ARL15: variants seen among roughly 807,000 people sequenced by gnomAD.
ARL15 encodes ARF like GTPase 15.
A neutral mutation model predicts 25.2 loss-of-function variants in ARL15; 19 were observed. The ratio of observed to expected loss-of-function variants is 0.75; its 90% CI spans 0.53 to 1.10. The LOEUF is 1.10. ARL15 is among the 50% of genes least tolerant of loss of function. The pLI, the probability that ARL15 is intolerant of heterozygous loss-of-function variation, is 0.00. For synonymous variants in ARL15, 94 were observed against 86.8 expected (o/e 1.08, Z -0.46); for missense variants, 220 against 246.0 (o/e 0.89, Z 0.71).
At chr5:54,192,818 T>G (rs1009802481) in intron 1 of ARL15, among the ~76,000 whole-genome samples, 2 of 152,172 alleles carry the variant, frequency 1.3e-5, no homozygotes, top group Non-Finnish European at 2.9e-5. Context: ...GGTAAGCAAC[T>G]AAGATGAATG....
rs1051006755 is a variant in ARL15 at position 54,117,852 on chromosome 5, T to C, written c.254-4442A>G. Among the ~76,000 whole-genome samples the C allele has an allele frequency of 3.3e-5, 5 of 152,214 alleles. No individual in the cohort carries two copies. In the East Asian group the frequency reaches 9.6e-4, roughly 29 times the overall value. ...TAGTATTTGTTGTCAATGGTAAAAT[T>C]TGTTTTCAAGCAAAAGCTAGAATTT... On this transcript the variant is annotated intron_variant, in intron 3 of 4. Coordinates refer to ENST00000504924, the MANE Select transcript of ARL15 (RefSeq NM_019087.3).
chr5:54,157,162 GGA>G (rs1754260554), intron 2 of ARL15, among the ~76,000 whole-genome samples: 1 of 152,228 alleles, frequency 6.6e-6, no homozygotes, highest in Non-Finnish European at 1.5e-5. Flanking sequence ...AAATGGTTAT[GGA>G]GCACATCACC....
intron 3 of ARL15, among the ~76,000 whole-genome samples, chr5:54,137,213 G>A (rs897338595): frequency 1.3e-5 from 2 of 152,066 alleles, no homozygotes; most frequent in Non-Finnish European, 1.5e-5. Flanking sequence ...CAGTCCCAAA[G>A]CAGGTTTCAT....
At chr5:54,291,049 G>A (rs939741909) in intron 1 of ARL15, among the ~76,000 whole-genome samples, 3 of 152,198 alleles carry the variant, frequency 2.0e-5, no homozygotes, top group Admixed American at 2.0e-4. Flanking sequence ...GGAGAACGTG[G>A]TCTAACAACC....
chr5:53,976,068 A>T (rs979560839), intron 4 of ARL15, among the ~76,000 whole-genome samples: 3 of 152,196 alleles, frequency 2.0e-5, no homozygotes, highest in Non-Finnish European at 4.4e-5. Flanking sequence ...CTGTTTCCTT[A>T]GTTCATTCAT....
chr5:54,283,607 GCC>G (rs1758115193), intron 1 of ARL15, among the ~76,000 whole-genome samples: 1 of 152,148 alleles, frequency 6.6e-6, no homozygotes, highest in African/African-American at 2.4e-5. Flanking sequence ...CATCCTCAGA[GCC>G]CAAGACTAAG....
intron 1 of ARL15, among the ~76,000 whole-genome samples, chr5:54,308,325 A>G (rs994422383): frequency 2.0e-5 from 3 of 152,212 alleles, no homozygotes; most frequent in Non-Finnish European, 4.4e-5. Flanking sequence ...TCACCTCCAA[A>G]GAGTAGCCAC....
At chr5:53,947,186 GTGT>G (rs1746775630) in intron 4 of ARL15, among the ~76,000 whole-genome samples, 1 of 147,534 alleles carries the variant, frequency 6.8e-6, no homozygotes, top group Non-Finnish European at 1.5e-5. Flanking sequence ...GTGTGTGTGT[GTGT>G]GTGTGTGTGT....
chr5:54,033,444 T>G (rs996761929), intron 4 of ARL15, among the ~76,000 whole-genome samples: 1 of 151,818 alleles, frequency 6.6e-6, no homozygotes, highest in African/African-American at 2.4e-5. Flanking sequence ...CCGAGGCGGG[T>G]GGATCATGAG....
intron 1 of ARL15, among the ~76,000 whole-genome samples, chr5:54,234,501 T>A (rs1756750923): frequency 6.6e-6 from 1 of 152,020 alleles, no homozygotes; most frequent in Non-Finnish European, 1.5e-5. Context: ...TCCCTAGACA[T>A]CCCCACCCCA....
intron 1 of ARL15, among the ~76,000 whole-genome samples, chr5:54,263,222 T>C (rs978579150): frequency 6.6e-6 from 1 of 152,182 alleles, no homozygotes; most frequent in Non-Finnish European, 1.5e-5. Context: ...TCTAATATCA[T>C]TAGTGGTTTT....
intron 4 of ARL15, among the ~76,000 whole-genome samples, chr5:53,930,241 A>G (rs1019031605): frequency 6.6e-6 from 1 of 152,180 alleles, no homozygotes; most frequent in Admixed American, 6.5e-5. Context: ...AGACAGACAC[A>G]CTTTTTATTA....
chr5:54,239,394 AGAT>A (rs918394069), intron 1 of ARL15, among the ~76,000 whole-genome samples: 7 of 152,228 alleles, frequency 4.6e-5, no homozygotes, highest in African/African-American at 1.7e-4. Flanking sequence ...AGTGTAGCTA[AGAT>A]GATACACTTA....
intron 4 of ARL15, among the ~76,000 whole-genome samples, chr5:54,030,596 C>T (rs531714684): frequency 9.9e-4 from 151 of 152,246 alleles, no homozygotes; most frequent in African/African-American, 3.5e-3. Context: ...GAAGCATCAC[C>T]AGCTAATTCA....
chr5:54,178,485 G>C (rs1279939795), intron 1 of ARL15, among the ~76,000 whole-genome samples: 1 of 152,072 alleles, frequency 6.6e-6, no homozygotes, highest in East Asian at 1.9e-4. Flanking sequence ...GTGGCCCAAG[G>C]GTGAGGCCAA....
chr5:54,129,408 T>C (rs1753365610), intron 3 of ARL15, among the ~76,000 whole-genome samples: 1 of 152,130 alleles, frequency 6.6e-6, no homozygotes, highest in Non-Finnish European at 1.5e-5. Context: ...AATCATTATG[T>C]GGGTGATGGA....
intron 4 of ARL15, 150 bp from the exon 5 acceptor site, chr5:53,886,863 C>T: frequency 1.4e-6 from 1 of 714,500 alleles, no homozygotes; most frequent in Non-Finnish European, 2.3e-6. Context: ...TGCCTGTCCG[C>T]AGCTGTTGTT....
intron 4 of ARL15, among the ~76,000 whole-genome samples, chr5:53,986,590 T>A (rs1748307162): frequency 6.6e-6 from 1 of 152,218 alleles, no homozygotes; most frequent in South Asian, 2.1e-4. Context: ...TCTCTGACTA[T>A]GCTTTGGCAA....
intron 4 of ARL15, among the ~76,000 whole-genome samples, chr5:53,894,078 C>T (rs1475272268): frequency 2.6e-5 from 4 of 152,168 alleles, no homozygotes; most frequent in Admixed American, 2.0e-4. Context: ...AAAATGATGA[C>T]TTGATGTTAA....
Sources: gnomAD v4.1 joint callset for allele counts (sites outside exome capture counted in the v4.1 genomes callset) on GRCh38, gnomAD v4.1.1 for gene constraint, MANE v1.5 for transcripts, NCBI Gene and HGNC (gene_info 2026-07-23, HGNC 2026-07-21) for gene names.